PTPN7: variants seen among roughly 807,000 people sequenced by gnomAD.
PTPN7 encodes the protein tyrosine-protein phosphatase non-receptor type 7.
A neutral mutation model predicts 50.3 loss-of-function variants in PTPN7; 33 were observed. The observed-to-expected ratio is 0.66, with a 90% CI of 0.50 to 0.88. The LOEUF (loss-of-function observed/expected upper bound fraction) is 0.88. Among genes scored for constraint, PTPN7 ranks in the 40% least tolerant of loss-of-function variants. PTPN7 has a pLI of 0.00. For missense variants in PTPN7, 412 were observed against 475.4 expected (o/e 0.87, Z 1.24); for synonymous variants, 185 against 186.6 (o/e 0.99, Z 0.07).
intron 7 of PTPN7, 70 bp from the exon 8 acceptor site, chr1:202,152,769 C>T: frequency 1.3e-6 from 2 of 1,546,320 alleles, no homozygotes; most frequent in Non-Finnish European, 1.8e-6. Context: ...TCTCTGGTGC[C>T]TGAGGAGGGC....
At chr1:202,155,441 G>A in intron 5 of PTPN7, 92 bp downstream of exon 5, 1 of 1,263,608 alleles carries the variant, frequency 7.9e-7, no homozygotes, top group Non-Finnish European at 1.1e-6. Context: ...AGGAAATGCA[G>A]GCACCTGATC....
intron 5 of PTPN7, 62 bp downstream of exon 5, chr1:202,155,471 A>G: frequency 6.9e-7 from 1 of 1,455,768 alleles, no homozygotes; most frequent in Non-Finnish European, 9.6e-7. Flanking sequence ...TGGCTGGAAG[A>G]TATTCTCAGA....
At chr1:202,152,837 T>C in intron 7 of PTPN7, 138 bp from the exon 8 acceptor site, 1 of 960,440 alleles carries the variant, frequency 1.0e-6, no homozygotes, top group Admixed American at 2.6e-5. Context: ...AGGTTGCAAT[T>C]TTCGTGCTCA....
In PTPN7 at chr1:202,159,505, G is replaced by T; in HGVS notation, c.-52-51C>A. The T allele has an allele frequency of 6.3e-7, 1 of 1,579,478 alleles. No homozygotes were observed. The highest frequency in any genetic ancestry group is 8.6e-7 in the Non-Finnish European group (1 of 1,158,670). On this transcript the variant is annotated intron_variant, in intron 1 of 9. Coordinates refer to ENST00000691036, the MANE Select transcript of PTPN7 (RefSeq NM_002832.4). The surrounding 1 kb of genome is among the most constrained non-coding windows in gnomAD (Gnocchi z 4.6). ...GTTCTCTGGCCTGCCTGATTGGCCA[G>T]AAGGAGGCTCCCATGCCAGGCCAGG...
intron 4 of PTPN7, among the ~76,000 whole-genome samples, chr1:202,156,367 T>C (rs77118716): frequency 0.043 from 6,502 of 152,296 alleles, 176 homozygotes; most frequent in Middle Eastern, 0.1. Context: ...TTTCTAATGG[T>C]GAATATGGGA....
intron 8 of PTPN7, 115 bp from the exon 9 acceptor site, chr1:202,150,539 G>T: frequency 1.3e-6 from 1 of 763,524 alleles, no homozygotes; most frequent in South Asian, 1.6e-5. Context: ...TTTGGGGATA[G>T]GGCTCTGGAG....
chr1:202,159,159 G>T lies in PTPN7; in HGVS notation c.122+122C>A. ...GCACTACTGGTTTCCTTTCCAAATT[G>T]GAGTCAACAACTGAGGGCCCTCTGG... On this transcript the variant is annotated intron_variant, in intron 2 of 9. Coordinates refer to ENST00000691036, the MANE Select transcript of PTPN7 (RefSeq NM_002832.4). This position sits in a 1 kb window ranked among gnomAD's most constrained non-coding sequence, Gnocchi z 4.6. 4.4e-6 allele frequency: 4 copies of T among 902,856 alleles called. No homozygotes were observed. Among genetic ancestry groups the T allele is most frequent in the Non-Finnish European group, 7.0e-6 (4 of 573,318 alleles). 55.9% of individuals were successfully genotyped at this position (902,856 alleles called of 1,614,324 possible). A position where few individuals can be genotyped will look rare whatever the true frequency, so the allele number is the denominator to read the frequency against.
At chr1:202,148,751 T>A (rs143385894) in intron 9 of PTPN7, 52 bp from the exon 10 acceptor site, 1 of 1,511,520 alleles carries the variant, frequency 6.6e-7, no homozygotes, top group East Asian at 2.3e-5. Flanking sequence ...GGGTGCTGGC[T>A]GAATGGCTCC....
At chr1:202,157,401 C>T (rs559522439) in intron 4 of PTPN7, among the ~76,000 whole-genome samples, 4 of 152,010 alleles carry the variant, frequency 2.6e-5, no homozygotes, top group South Asian at 2.1e-4. Context: ...CCCAGCTACT[C>T]GGGAGGCTGA....
chr1:202,161,156 G>C (rs533618424), upstream of PTPN7: 288 of 1,179,996 alleles, frequency 2.4e-4, no homozygotes, highest in Non-Finnish European at 2.9e-4. Context: ...GAAGAAGCAA[G>C]AATCCATGCC....
rs202223126 is a variant in PTPN7 at position 202,148,590 on chromosome 1, C to T, written c.*16G>A. ...TGAGGGAGGTAGGCACCTGGGCCAC[C>T]GGAGGGTGGCAGGGGTCAGGGGCTG... On this transcript the variant is annotated 3_prime_UTR_variant, in exon 10 of 10. Coordinates refer to ENST00000691036, the MANE Select transcript of PTPN7 (RefSeq NM_002832.4). 5,168 of 1,611,464 alleles carry T rather than the reference C, an allele frequency of 3.2e-3. 22 individuals are homozygous for T. Among genetic ancestry groups the T allele is most frequent in the Non-Finnish European group, 2.8e-3 (3,344 of 1,178,166 alleles).
intron 7 of PTPN7, among the ~76,000 whole-genome samples, chr1:202,153,178 GAGAC>G (rs1464492397): frequency 2.7e-5 from 4 of 149,356 alleles, no homozygotes; most frequent in Admixed American, 6.7e-5. Context: ...GTTTTTTTTT[GAGAC>G]AGACAGTCTC....
Position 202,150,309 on chromosome 1 carries a change from A to G in PTPN7, c.989+2T>C. The G allele has an allele frequency of 6.2e-7, 1 of 1,607,324 alleles. No individual in the cohort carries two copies. ...TGGCCTTGTTTACACCCACAGACCC[A>G]CCTGTCTAGCCGCAGTTGGCACACA... is the stretch of plus-strand genomic sequence containing the variant. On this transcript the variant is annotated splice_donor_variant, in intron 9 of 9. Coordinates refer to ENST00000691036, the MANE Select transcript of PTPN7 (RefSeq NM_002832.4). LOFTEE classifies it high-confidence loss of function.
chr1:202,159,760 A>AG lies in PTPN7; in HGVS notation c.-52-307dup. On this transcript the variant is annotated intron_variant, in intron 1 of 9. Transcript: ENST00000691036. The surrounding 1 kb of genome is among the most constrained non-coding windows in gnomAD (Gnocchi z 4.6). ...CACCAGAGTACACAGGGCTCTGAGC[A>AG]GGTCCAAGTGGGAGAAGGCAAGGGA... 7.8e-7 allele frequency: 1 copy of AG among 1,278,434 alleles called. No individual in the cohort carries two copies. Among genetic ancestry groups the AG allele is most frequent in the Non-Finnish European group, 9.9e-7 (1 of 1,012,098 alleles). 79.2% of individuals were successfully genotyped at this position (1,278,434 alleles called of 1,614,324 possible).
upstream of PTPN7, chr1:202,161,100 A>G: frequency 7.6e-7 from 1 of 1,313,610 alleles, no homozygotes; most frequent in Non-Finnish European, 9.7e-7. Context: ...AGCACAGACC[A>G]CATCTTCCCA....
chr1:202,149,674 A>G (rs1029074429), intron 9 of PTPN7, among the ~76,000 whole-genome samples: 10 of 152,124 alleles, frequency 6.6e-5, no homozygotes, highest in Admixed American at 6.5e-4. Context: ...GGGGGCTCAG[A>G]GAAATCTAGT....
intron 5 of PTPN7, 79 bp downstream of exon 5, chr1:202,155,454 C>A: frequency 7.2e-7 from 1 of 1,388,100 alleles, no homozygotes; most frequent in Non-Finnish European, 1.0e-6. Context: ...ACCTGATCCA[C>A]CAGCCATGGC....
At chr1:202,152,509 T>C (rs1329075061) in intron 8 of PTPN7, 33 bp downstream of exon 8, 1 of 1,604,888 alleles carries the variant, frequency 6.2e-7, no homozygotes, top group Non-Finnish European at 8.5e-7. Flanking sequence ...GGGAGCACAG[T>C]CCACAGGCTG....
rs776997582 is a variant in PTPN7, at chr1:202,148,731, A to C, written c.990-32T>G. On this transcript the variant is annotated intron_variant, in intron 9 of 9. Transcript: ENST00000691036. ...GGAGAAACACACAGACCATGAGTGA[A>C]GGAGGGTCAGGGTGCTGGCTGAATG... 4 of 1,595,958 alleles carry C rather than the reference A, an allele frequency of 2.5e-6. No individual in the cohort carries two copies. The East Asian group carries it at 9.0e-5, about 36-fold the overall frequency.
Sources: allele counts gnomAD v4.1 joint callset (sites outside exome capture counted in the v4.1 genomes callset), GRCh38; gene constraint gnomAD v4.1.1; non-coding constraint Gnocchi (gnomAD v3.1); transcripts MANE v1.5; gene names NCBI Gene and HGNC (gene_info 2026-07-23, HGNC 2026-07-21).